Variants in IFNGR2 observed in about 807,000 individuals in gnomAD.
IFNGR2 encodes interferon gamma receptor 2, also known as IFN-gamma receptor 2.
A neutral mutation model predicts 41.1 loss-of-function variants in IFNGR2; 15 were observed. That is an observed-to-expected ratio of 0.37 (90% CI 0.24 to 0.56). The LOEUF is 0.56. IFNGR2 is among the 20% of genes least tolerant of loss of function. IFNGR2 has a pLI of 0.81. For synonymous variants in IFNGR2, 161 were observed against 171.6 expected, an observed-to-expected ratio of 0.94 and a Z score of 0.48; for missense variants, 362 against 415.7, an observed-to-expected ratio of 0.87 and a Z score of 1.12.
intron 2 of IFNGR2, among the ~76,000 whole-genome samples, chr21:33,420,997 G>T (rs1689396313): frequency 6.6e-6 from 1 of 151,914 alleles, no homozygotes; most frequent in Non-Finnish European, 1.5e-5. Flanking sequence ...AGGAGTTTGA[G>T]ACCAGCCTGA....
chr21:33,435,658 G>A (rs2083938822), intron 6 of IFNGR2, among the ~76,000 whole-genome samples: 1 of 151,918 alleles, frequency 6.6e-6, no homozygotes, highest in Admixed American at 6.6e-5. Context: ...GCCGAGGTGG[G>A]TGGATCATGA....
chr21:33,427,995 T>C (rs2083854547), intron 4 of IFNGR2, among the ~76,000 whole-genome samples: 1 of 151,938 alleles, frequency 6.6e-6, no homozygotes, highest in African/African-American at 2.4e-5. Flanking sequence ...CCACCCAAAG[T>C]GCTGGGATTA....
intron 3 of IFNGR2, among the ~76,000 whole-genome samples, chr21:33,422,517 G>A (rs2083801409): frequency 6.6e-6 from 1 of 152,150 alleles, no homozygotes; most frequent in African/African-American, 2.4e-5. Flanking sequence ...AAAGGAGGAG[G>A]AGGTCTGGTT....
At chr21:33,420,972 G>A (rs530858658) in intron 2 of IFNGR2, among the ~76,000 whole-genome samples, 214 of 152,132 alleles carry the variant, frequency 1.4e-3, no homozygotes, top group Non-Finnish European at 2.5e-3. Flanking sequence ...CGAGGTGGGC[G>A]GATCACATGA....
At position 33,421,558 on chromosome 21, in the gene IFNGR2, C is replaced by T. The variant is rs758417098; in HGVS notation, c.285C>T (p.Asp95=). ...CACAGATCACAGCAACAGAGTGTGA[C>T]TTCACTGCCGCCAGTCCCTCAGCAG... ...NCTQITATEC[D]FTAASPSAGF... The change falls in exon 3 of 7, where the codon GAC becomes GAT. Residue 95 remains aspartate, a synonymous_variant. Transcript: ENST00000290219. 6.1e-5 allele frequency: 98 copies of T among 1,613,924 alleles called. No homozygotes were observed. Among genetic ancestry groups the T allele is most frequent in the Non-Finnish European group, 8.0e-5 (94 of 1,179,928 alleles).
intron 1 of IFNGR2, among the ~76,000 whole-genome samples, chr21:33,408,351 G>A (rs891001932): frequency 6.6e-6 from 1 of 151,820 alleles, no homozygotes; most frequent in Admixed American, 6.6e-5. Flanking sequence ...ATGCACCACC[G>A]CACCTGGCTA....
At chr21:33,436,708 A>G in intron 6 of IFNGR2, 120 bp from the exon 7 acceptor site, 1 of 760,454 alleles carries the variant, frequency 1.3e-6, no homozygotes, top group Non-Finnish European at 2.1e-6. Flanking sequence ...GGCAAGAGTA[A>G]GACTCCATCT....
At chr21:33,405,284 G>A (rs1367321936) in intron 1 of IFNGR2, among the ~76,000 whole-genome samples, 1 of 152,174 alleles carries the variant, frequency 6.6e-6, no homozygotes, top group East Asian at 1.9e-4. Flanking sequence ...ACCTTGTGTT[G>A]TGGGTTTGTT....
chr21:33,430,984 T>C (rs1423587185), intron 4 of IFNGR2, among the ~76,000 whole-genome samples: 1 of 152,154 alleles, frequency 6.6e-6, no homozygotes, highest in Non-Finnish European at 1.5e-5. Context: ...TATGGGACAA[T>C]GACAGCCTTG....
chr21:33,433,357 A>G (rs1298998789), intron 6 of IFNGR2, among the ~76,000 whole-genome samples: 1 of 152,102 alleles, frequency 6.6e-6, no homozygotes, highest in Non-Finnish European at 1.5e-5. Flanking sequence ...AGGTGGAAGC[A>G]CTCCGGTGTC....
At chr21:33,410,595 G>A (rs1177277823) in intron 1 of IFNGR2, among the ~76,000 whole-genome samples, 2 of 151,432 alleles carry the variant, frequency 1.3e-5, no homozygotes, top group Non-Finnish European at 2.9e-5. Flanking sequence ...AGCCTCCCAA[G>A]TAGCTGGAAA....
chr21:33,424,710 G>A (rs947019312), intron 3 of IFNGR2, among the ~76,000 whole-genome samples: 3 of 152,220 alleles, frequency 2.0e-5, no homozygotes, highest in South Asian at 2.1e-4. Context: ...CCGTTTCCTC[G>A]TCTGAGAAAT....
At chr21:33,418,754 C>A (rs1401100749) in intron 2 of IFNGR2, among the ~76,000 whole-genome samples, 2 of 151,170 alleles carry the variant, frequency 1.3e-5, no homozygotes, top group Admixed American at 1.3e-4. Context: ...TTTTTTTCTT[C>A]AATTTGTTGC....
At chr21:33,412,081 G>A (rs943029258) in intron 1 of IFNGR2, among the ~76,000 whole-genome samples, 4 of 152,180 alleles carry the variant, frequency 2.6e-5, no homozygotes, top group Admixed American at 6.5e-5. Context: ...GCACCACCAC[G>A]CCCAGCTAAA....
intron 1 of IFNGR2, 81 bp from the exon 2 acceptor site, chr21:33,414,807 A>G (rs1238865657): frequency 6.9e-7 from 1 of 1,443,696 alleles, no homozygotes; most frequent in Non-Finnish European, 9.5e-7. Context: ...TGACTTAGAT[A>G]ATGGACATTG....
intron 1 of IFNGR2, among the ~76,000 whole-genome samples, chr21:33,404,756 C>T (rs1368289094): frequency 6.6e-6 from 1 of 152,140 alleles, no homozygotes; most frequent in Non-Finnish European, 1.5e-5. Flanking sequence ...CCGGTTCTGT[C>T]CCTACCCAGA....
intron 2 of IFNGR2, 49 bp downstream of exon 2, chr21:33,415,069 G>C: frequency 6.2e-7 from 1 of 1,610,028 alleles, no homozygotes; most frequent in South Asian, 1.1e-5. Flanking sequence ...TGGGGGCATC[G>C]TGCGGAACCC....
At chr21:33,427,338 A>G (rs1025201263) in intron 4 of IFNGR2, among the ~76,000 whole-genome samples, 4 of 152,046 alleles carry the variant, frequency 2.6e-5, no homozygotes, top group Admixed American at 6.5e-5. Flanking sequence ...CACGCTCTGT[A>G]GTTTGGAGGA....
intron 6 of IFNGR2, 83 bp from the exon 7 acceptor site, chr21:33,436,745 A>C: frequency 8.7e-7 from 1 of 1,154,046 alleles, no homozygotes; most frequent in Non-Finnish European, 1.2e-6. Context: ...ATAAAAATAA[A>C]ATAAAAACAA....
Sources: allele counts gnomAD v4.1 joint callset (sites outside exome capture counted in the v4.1 genomes callset), GRCh38; gene constraint gnomAD v4.1.1; transcripts MANE v1.5; gene names NCBI Gene and HGNC (gene_info 2026-07-23, HGNC 2026-07-21).